The following IL1RAPL2 variants were observed in gnomAD, a reference collection of about 807,000 sequenced individuals.
The protein encoded by IL1RAPL2 is interleukin 1 receptor accessory protein like 2, also known as X-linked interleukin-1 receptor accessory protein-like 2.
A neutral mutation model predicts 44.1 loss-of-function variants in IL1RAPL2; 3 were observed. That is an observed-to-expected ratio of 0.07 (90% CI 0.03 to 0.18). IL1RAPL2 has a LOEUF of 0.18. IL1RAPL2 is among the 10% of genes least tolerant of loss of function. The pLI, the probability that IL1RAPL2 is intolerant of heterozygous loss-of-function variation, is 1.00. For synonymous variants in IL1RAPL2, 181 were observed against 178.8 expected (o/e 1.01, Z -0.10); for missense variants, 391 against 496.4 (o/e 0.79, Z 2.02).
At chrX:104,817,611 T>C (rs769847273) in intron 2 of IL1RAPL2, among the ~76,000 whole-genome samples, 95 of 111,951 alleles carry the variant, frequency 8.5e-4, no homozygotes, top group Non-Finnish European at 1.7e-3. Flanking sequence ...GGATGGGCTC[T>C]GGAGCTGGAT....
In IL1RAPL2 at chrX:104,935,045, T is replaced by C. The variant is rs754245667; in HGVS notation, c.83-260430T>C. 7.2e-5 allele frequency among the ~76,000 whole-genome samples: 8 copies of C among 111,835 alleles called. No individual in the cohort carries two copies. The East Asian group carries it at 2.3e-3, about 32-fold the overall frequency. On this transcript the variant is annotated intron_variant, in intron 2 of 10. Transcript: ENST00000372582. The stretch of plus-strand genomic sequence containing the variant: ...AAATGAGGTAGTTTATATAAAATGC[T>C]TAATAAAAGGTCTAGCACTTAGGGG...
Position 104,622,220 on chromosome X carries a change from T to C in IL1RAPL2, c.-19-36675T>C, listed in dbSNP as rs186026399. ...TTTTCTAACTGCAATATTGAGTGTG[T>C]GTCTTTGATGGGTCTCTTATGGCAG... On this transcript the variant is annotated intron_variant, in intron 1 of 10. Transcript: ENST00000372582. Among the ~76,000 whole-genome samples the C allele has an allele frequency of 1.5e-3, 163 of 110,590 alleles. 1 individual carries two copies. Among genetic ancestry groups the C allele is most frequent in the African/African-American group, 5.1e-3 (157 of 30,500 alleles).
intron 1 of IL1RAPL2, among the ~76,000 whole-genome samples, chrX:104,630,462 ATTT>A (rs758259103): frequency 1.1e-5 from 1 of 90,351 alleles, no homozygotes. Context: ...ATTTTTTTGT[ATTT>A]TTTTTTTTTT....
intron 9 of IL1RAPL2, among the ~76,000 whole-genome samples, chrX:105,752,407 GA>G (rs1417150522): frequency 8.9e-6 from 1 of 112,153 alleles, no homozygotes; most frequent in African/African-American, 3.2e-5. Context: ...GTAACAATAG[GA>G]AAATTCTTCT....
chrX:105,102,271 A>G (rs953266790), intron 2 of IL1RAPL2, among the ~76,000 whole-genome samples: 4 of 111,750 alleles, frequency 3.6e-5, no homozygotes, highest in African/African-American at 1.3e-4. Flanking sequence ...GTTTAGCTGT[A>G]TGCTAGGCCA....
intron 2 of IL1RAPL2, among the ~76,000 whole-genome samples, chrX:104,693,827 A>G: frequency 9.0e-6 from 1 of 111,725 alleles, no homozygotes; most frequent in African/African-American, 3.2e-5. Context: ...TGCCTTTGTA[A>G]TTCAGCTCCC....
chrX:104,613,887 C>A (rs1209059757), intron 1 of IL1RAPL2, among the ~76,000 whole-genome samples: 1 of 90,359 alleles, frequency 1.1e-5, no homozygotes, highest in Non-Finnish European at 2.1e-5. Flanking sequence ...TTGGTCTGTT[C>A]AGAGTTTCAA....
At chrX:104,905,375 G>A (rs1923956950) in intron 2 of IL1RAPL2, among the ~76,000 whole-genome samples, 2 of 111,128 alleles carry the variant, frequency 1.8e-5, no homozygotes, top group South Asian at 3.8e-4. Flanking sequence ...TGAAGTCCTT[G>A]CCCATGTCTA....
At chrX:104,821,561 CA>C (rs1230944949) in intron 2 of IL1RAPL2, among the ~76,000 whole-genome samples, 1 of 111,832 alleles carries the variant, frequency 8.9e-6, no homozygotes, top group Non-Finnish European at 1.9e-5. Context: ...CATGTCTCTG[CA>C]AAGGACATGA....
chrX:105,204,237 G>T (rs2033741964), intron 3 of IL1RAPL2, among the ~76,000 whole-genome samples: 1 of 111,617 alleles, frequency 9.0e-6, no homozygotes, highest in African/African-American at 3.3e-5. Context: ...TGTGGCAACT[G>T]GCCCAATTCC....
intron 5 of IL1RAPL2, among the ~76,000 whole-genome samples, chrX:105,482,274 G>T (rs1237341167): frequency 9.0e-6 from 1 of 111,384 alleles, no homozygotes; most frequent in Non-Finnish European, 1.9e-5. Flanking sequence ...GATATAACTG[G>T]ATTTTAAATT....
chrX:105,542,428 C>G (rs1338566328), intron 6 of IL1RAPL2, among the ~76,000 whole-genome samples: 1 of 111,513 alleles, frequency 9.0e-6, no homozygotes, highest in Non-Finnish European at 1.9e-5. Context: ...AATAAACCCC[C>G]CTCTTGGCTT....
chrX:105,170,641 C>T (rs2033415215), intron 2 of IL1RAPL2, among the ~76,000 whole-genome samples: 1 of 111,668 alleles, frequency 9.0e-6, no homozygotes, highest in East Asian at 2.8e-4. Context: ...CTTAGCTAAG[C>T]CATAACAGGA....
chrX:105,350,560 C>G (rs922434666), intron 5 of IL1RAPL2, among the ~76,000 whole-genome samples: 7 of 111,384 alleles, frequency 6.3e-5, no homozygotes, highest in Non-Finnish European at 1.1e-4. Context: ...CCCGTCTCCA[C>G]TAAAATTACA....
chrX:105,047,648 T>C (rs1838722566), intron 2 of IL1RAPL2, among the ~76,000 whole-genome samples: 1 of 111,552 alleles, frequency 9.0e-6, no homozygotes, highest in African/African-American at 3.3e-5. Context: ...CAAGAGCTTT[T>C]GCTCATTAAA....
intron 5 of IL1RAPL2, among the ~76,000 whole-genome samples, chrX:105,462,116 G>T (rs1245289769): frequency 2.7e-5 from 3 of 110,599 alleles, no homozygotes; most frequent in African/African-American, 9.9e-5. Flanking sequence ...TCCAGCCTGG[G>T]GATAGTCCCC....
intron 2 of IL1RAPL2, among the ~76,000 whole-genome samples, chrX:104,975,845 G>C (rs1053644010): frequency 9.0e-6 from 1 of 111,164 alleles, no homozygotes; most frequent in Non-Finnish European, 1.9e-5. Flanking sequence ...TGACCTTGGG[G>C]TGAGATCCTT....
chrX:105,084,488 C>T lies in IL1RAPL2; in HGVS notation c.83-110987C>T, dbSNP rs2032454934. Among the ~76,000 whole-genome samples, 4 of 112,891 alleles carry T rather than the reference C, an allele frequency of 3.5e-5. No individual in the cohort carries two copies. In the South Asian group the frequency reaches 1.5e-3, roughly 41 times the overall value. Reference sequence around the variant, plus strand: ...GCGTTTTAATATTTAGTGAGTGCCTCACTTGATTTTGGATTTGCATAGGGC... The same window carrying T: ...GCGTTTTAATATTTAGTGAGTGCCTTACTTGATTTTGGATTTGCATAGGGC... On this transcript the variant is annotated intron_variant, in intron 2 of 10. Coordinates refer to ENST00000372582, the MANE Select transcript of IL1RAPL2 (RefSeq NM_017416.2).
chrX:105,706,321 GA>G (rs1009076120), intron 6 of IL1RAPL2, among the ~76,000 whole-genome samples: 3 of 111,743 alleles, frequency 2.7e-5, no homozygotes, highest in African/African-American at 9.7e-5. Flanking sequence ...AATTTTCAAA[GA>G]AAAAAATGCA....
Sources: allele counts gnomAD v4.1 joint callset (sites outside exome capture counted in the v4.1 genomes callset), GRCh38; gene constraint gnomAD v4.1.1; transcripts MANE v1.5; gene names NCBI Gene and HGNC (gene_info 2026-07-23, HGNC 2026-07-21).